The following AUTS2 variants were observed in gnomAD, a reference collection of about 807,000 sequenced individuals.
The protein encoded by AUTS2 is autism susceptibility gene 2 protein.
A neutral mutation model predicts 112.4 loss-of-function variants in AUTS2; 17 were observed. The ratio of observed to expected loss-of-function variants is 0.15; its 90% CI spans 0.10 to 0.23. The LOEUF is 0.23. Ranked by LOEUF, AUTS2 falls within the 10% of genes least tolerant of loss-of-function variation. AUTS2 has a pLI of 1.00. For synonymous variants in AUTS2, 751 were observed against 702.7 expected (o/e 1.07, Z -1.09); for missense variants, 1,510 against 1,701.6 (o/e 0.89, Z 1.98).
chr7:70,395,585 C>T (rs1373521608), intron 4 of AUTS2, among the ~76,000 whole-genome samples: 1 of 152,142 alleles, frequency 6.6e-6, no homozygotes, highest in African/African-American at 2.4e-5. Context: ...AAGATTTGGT[C>T]CCCTGGTCTA....
intron 2 of AUTS2, among the ~76,000 whole-genome samples, chr7:70,056,527 G>T (rs1802000922): frequency 1.3e-5 from 2 of 152,174 alleles, no homozygotes; most frequent in African/African-American, 4.8e-5. Context: ...CTCAGTGCTC[G>T]GGCTCACAGC....
At chr7:70,147,587 A>G (rs963595332) in intron 4 of AUTS2, among the ~76,000 whole-genome samples, 49 of 152,136 alleles carry the variant, frequency 3.2e-4, no homozygotes, top group African/African-American at 1.1e-3. Flanking sequence ...CTTGAAGCAC[A>G]TGTTTTCCTA....
At chr7:70,169,263 C>T (rs1157336175) in intron 4 of AUTS2, among the ~76,000 whole-genome samples, 2 of 151,482 alleles carry the variant, frequency 1.3e-5, no homozygotes, top group South Asian at 4.2e-4. Context: ...TTTTTTGAGA[C>T]GGCATCTCAC....
chr7:70,233,686 CT>C (rs1420842810), intron 4 of AUTS2, among the ~76,000 whole-genome samples: 1 of 152,182 alleles, frequency 6.6e-6, no homozygotes, highest in African/African-American at 2.4e-5. Context: ...TTTTGGTGGA[CT>C]TTCTTTTCTT....
At chr7:70,618,409 G>T (rs1237109689) in intron 5 of AUTS2, among the ~76,000 whole-genome samples, 2 of 152,124 alleles carry the variant, frequency 1.3e-5, no homozygotes, top group East Asian at 3.9e-4. Context: ...TGGAGGGCTC[G>T]GCCTGTTGGG....
rs74943454 is a variant in AUTS2, at chr7:69,997,084, C to T, written c.522+97586C>T. On this transcript the variant is annotated intron_variant, in intron 2 of 18. Transcript: ENST00000342771. ...ATGTGCAGCCAGGGTTGAGATTTAA[C>T]GGTCTATCCTAAGTGCTTCTTAAGG... 6.1e-4 allele frequency among the ~76,000 whole-genome samples: 93 copies of T among 152,044 alleles called. 3 individuals are homozygous for T. Among genetic ancestry groups the T allele is most frequent in the East Asian group, 2.5e-3 (13 of 5,168 alleles).
At chr7:69,669,283 T>C (rs1298649512) in intron 1 of AUTS2, among the ~76,000 whole-genome samples, 1 of 152,062 alleles carries the variant, frequency 6.6e-6, no homozygotes, top group Non-Finnish European at 1.5e-5. Flanking sequence ...AAAATAATAA[T>C]GTATATCTAC....
At chr7:70,412,658 A>G (rs1794825241) in intron 4 of AUTS2, among the ~76,000 whole-genome samples, 1 of 152,210 alleles carries the variant, frequency 6.6e-6, no homozygotes, top group South Asian at 2.1e-4. Flanking sequence ...CTACTGGATG[A>G]ATCTTGACTA....
chr7:70,470,091 A>G (rs1284026756), intron 5 of AUTS2, among the ~76,000 whole-genome samples: 1 of 152,246 alleles, frequency 6.6e-6, no homozygotes, highest in Non-Finnish European at 1.5e-5. Flanking sequence ...AATATTAGCA[A>G]CAGTGTTATT....
chr7:70,607,591 C>T (rs1803852441), intron 5 of AUTS2, among the ~76,000 whole-genome samples: 2 of 152,162 alleles, frequency 1.3e-5, no homozygotes, highest in East Asian at 3.8e-4. Context: ...ACCAGATGTC[C>T]TTGATAGTGT....
intron 1 of AUTS2, among the ~76,000 whole-genome samples, chr7:69,733,198 T>C (rs2129234192): frequency 6.6e-6 from 1 of 152,316 alleles, no homozygotes; most frequent in Middle Eastern, 3.4e-3. Context: ...TTCTTTTAGA[T>C]AATCACTGTC....
intron 2 of AUTS2, among the ~76,000 whole-genome samples, chr7:70,034,278 C>T (rs1311272519): frequency 6.6e-6 from 1 of 152,172 alleles, no homozygotes. Context: ...CCTACTCTGT[C>T]TCTTCCCATG....
At chr7:70,550,712 T>G in intron 5 of AUTS2, among the ~76,000 whole-genome samples, 1 of 152,222 alleles carries the variant, frequency 6.6e-6, no homozygotes, top group East Asian at 1.9e-4. Context: ...AGCTCATGTT[T>G]AGCTTAACAT....
intron 6 of AUTS2, among the ~76,000 whole-genome samples, chr7:70,718,731 C>A (rs143641088): frequency 1.3e-5 from 2 of 152,254 alleles, no homozygotes; most frequent in East Asian, 3.9e-4. Context: ...TCTAGCCCTG[C>A]TGCTTCTTCA....
chr7:70,672,143 G>C (rs1585479955), intron 5 of AUTS2, among the ~76,000 whole-genome samples: 1 of 152,218 alleles, frequency 6.6e-6, no homozygotes, highest in Admixed American at 6.5e-5. Context: ...TGGACAATCA[G>C]TGCCACACTC....
intron 4 of AUTS2, among the ~76,000 whole-genome samples, chr7:70,249,273 T>G (rs932139264): frequency 5.3e-5 from 8 of 152,332 alleles, no homozygotes; most frequent in Admixed American, 2.0e-4. Flanking sequence ...GTTGTCTTCT[T>G]TTTTTAATTT....
intron 2 of AUTS2, among the ~76,000 whole-genome samples, chr7:69,964,957 C>T (rs1797579127): frequency 6.6e-6 from 1 of 151,976 alleles, no homozygotes; most frequent in South Asian, 2.1e-4. Flanking sequence ...CCCCTCACCA[C>T]CTTCCTTATT....
intron 2 of AUTS2, among the ~76,000 whole-genome samples, chr7:70,031,117 G>T (rs1342158574): frequency 6.6e-6 from 1 of 152,166 alleles, no homozygotes; most frequent in Admixed American, 6.6e-5. Context: ...TCTCCAATCT[G>T]AGTCTAACCC....
chr7:70,750,439 C>T (rs1336369458), intron 6 of AUTS2, among the ~76,000 whole-genome samples: 1 of 86,264 alleles, frequency 1.2e-5, no homozygotes, highest in Non-Finnish European at 2.0e-5. Context: ...TTCCTCCCAC[C>T]TCAGCCTCCA....
Sources: gnomAD v4.1 joint callset for allele counts (sites outside exome capture counted in the v4.1 genomes callset) on GRCh38, gnomAD v4.1.1 for gene constraint, MANE v1.5 for transcripts, NCBI Gene and HGNC (gene_info 2026-07-23, HGNC 2026-07-21) for gene names.